Variants in CADPS2 observed in about 807,000 individuals in gnomAD.
CADPS2 encodes the protein calcium dependent secretion activator 2, also known as calcium-dependent secretion activator 2.
Under a neutral mutation model 172.5 loss-of-function variants are expected in CADPS2, and 93 were observed. That is an observed-to-expected ratio of 0.54 (90% CI 0.46 to 0.64). The LOEUF (loss-of-function observed/expected upper bound fraction) is 0.64, where lower values mean the gene tolerates loss of function less well. Ranked by LOEUF, CADPS2 falls within the 30% of genes least tolerant of loss-of-function variation. The pLI is 0.00. For synonymous variants in CADPS2, 546 were observed against 555.2 expected (o/e 0.98, Z 0.23); for missense variants, 1,420 against 1,565.9 (o/e 0.91, Z 1.57).
At chr7:122,456,434 T>C (rs192661699) in intron 14 of CADPS2, among the ~76,000 whole-genome samples, 2 of 152,134 alleles carry the variant, frequency 1.3e-5, no homozygotes, top group Non-Finnish European at 2.9e-5. Flanking sequence ...CCTGTAGTTA[T>C]TGAAGTTACA....
rs559985372 is a variant in CADPS2, at chr7:122,435,028, T to C, written c.2476+3313A>G. Among the ~76,000 whole-genome samples, 121 of 152,318 alleles carry C rather than the reference T, an allele frequency of 7.9e-4. 2 individuals are homozygous for C. Among genetic ancestry groups the C allele is most frequent in the African/African-American group, 2.8e-3 (116 of 41,576 alleles). ...TTTAAATTTGTATCAAAAATATTGC[T>C]GAATTTTTAGAGATGAATGGCCTAT... On this transcript the variant is annotated intron_variant, in intron 17 of 29. Transcript: ENST00000449022.
chr7:122,837,620 A>G (rs1240583998), intron 1 of CADPS2, among the ~76,000 whole-genome samples: 1 of 152,248 alleles, frequency 6.6e-6, no homozygotes, highest in African/African-American at 2.4e-5. Context: ...CCACAGAAAT[A>G]CAAACTACCA....
intron 24 of CADPS2, chr7:122,386,404 A>G: frequency 5.6e-6 from 4 of 717,534 alleles, no homozygotes. Flanking sequence ...ATGGGAAAAA[A>G]AGGCAACAAA....
chr7:122,576,774 T>TTA (rs1439065323), intron 7 of CADPS2, among the ~76,000 whole-genome samples: 3 of 77,258 alleles, frequency 3.9e-5, no homozygotes, highest in African/African-American at 1.6e-4. Context: ...GGAGATCTGA[T>TTA]TTTTTTTTTT....
intron 28 of CADPS2, among the ~76,000 whole-genome samples, chr7:122,333,681 T>C (rs2035382192): frequency 6.6e-6 from 1 of 152,172 alleles, no homozygotes; most frequent in African/African-American, 2.4e-5. Flanking sequence ...CTCACCTATT[T>C]TCTCCTCCTA....
intron 4 of CADPS2, among the ~76,000 whole-genome samples, chr7:122,627,659 C>T (rs2076209198): frequency 6.6e-6 from 1 of 152,140 alleles, no homozygotes; most frequent in Non-Finnish European, 1.5e-5. Context: ...ATCACTTAAA[C>T]TTTATTCTAA....
Position 122,320,112 on chromosome 7 carries a change from AT to A in CADPS2, c.*52del. The A allele has an allele frequency of 7.1e-7, 1 of 1,408,162 alleles. No individual in the cohort carries two copies. The highest frequency in any genetic ancestry group is 1.8e-5 in the South Asian group (1 of 55,256). The allele number at this position is 1,408,162 out of a possible 1,614,324, so 87.2% of individuals were successfully genotyped here. A position where few individuals can be genotyped will look rare whatever the true frequency, so the allele number is the denominator to read the frequency against. On this transcript the variant is annotated 3_prime_UTR_variant, in exon 30 of 30. Transcript: ENST00000449022. ...TAATTACAAGGACAAGGTTAAAAAAATAAAAAACAATGTCGATCAAGGTCTT... is the reference window on the plus strand; with the variant it reads ...TAATTACAAGGACAAGGTTAAAAAAAAAAAAACAATGTCGATCAAGGTCTT...
chr7:122,373,435 T>C (rs1446816259), intron 25 of CADPS2, among the ~76,000 whole-genome samples: 1 of 152,170 alleles, frequency 6.6e-6, no homozygotes, highest in African/African-American at 2.4e-5. Flanking sequence ...TAAGAATCAT[T>C]GCCTTACAAG....
intron 1 of CADPS2, among the ~76,000 whole-genome samples, chr7:122,869,272 T>A (rs1302293766): frequency 6.6e-6 from 1 of 152,032 alleles, no homozygotes; most frequent in Non-Finnish European, 1.5e-5. Context: ...TTGTTATAAA[T>A]AAGTTAAAAT....
intron 2 of CADPS2, among the ~76,000 whole-genome samples, chr7:122,671,906 T>C (rs770980198): frequency 6.6e-6 from 1 of 152,172 alleles, no homozygotes; most frequent in Non-Finnish European, 1.5e-5. Context: ...AAATAATTAA[T>C]GAACCAGTAA....
intron 8 of CADPS2, among the ~76,000 whole-genome samples, chr7:122,519,798 T>C (rs1490058867): frequency 1.3e-5 from 2 of 152,066 alleles, no homozygotes; most frequent in Non-Finnish European, 2.9e-5. Context: ...GTGTAGAATA[T>C]ATTTTATGCT....
At chr7:122,450,201 A>T (rs2052875228) in intron 15 of CADPS2, among the ~76,000 whole-genome samples, 1 of 152,280 alleles carries the variant, frequency 6.6e-6, no homozygotes, top group Non-Finnish European at 1.5e-5. Flanking sequence ...TATTTTTTAA[A>T]TAAGTGCAAA....
chr7:122,605,149 G>A (rs1436023374), intron 6 of CADPS2, among the ~76,000 whole-genome samples: 2 of 152,118 alleles, frequency 1.3e-5, no homozygotes, highest in Non-Finnish European at 2.9e-5. Flanking sequence ...TGGTAAACAT[G>A]TATAGGGCAC....
intron 1 of CADPS2, among the ~76,000 whole-genome samples, chr7:122,818,574 G>T (rs1381770047): frequency 6.6e-6 from 1 of 151,888 alleles, no homozygotes; most frequent in Non-Finnish European, 1.5e-5. Context: ...AGACCCATCT[G>T]ACCTCTCCCT....
intron 2 of CADPS2, among the ~76,000 whole-genome samples, chr7:122,719,467 G>A (rs754087788): frequency 1.3e-5 from 2 of 152,140 alleles, no homozygotes; most frequent in African/African-American, 4.8e-5. Context: ...CATGTGCAAT[G>A]ACGCCAATTT....
chr7:122,760,701 C>T (rs539964651), intron 1 of CADPS2, among the ~76,000 whole-genome samples: 17 of 151,634 alleles, frequency 1.1e-4, no homozygotes, highest in African/African-American at 3.9e-4. Flanking sequence ...TCTCAGCAAA[C>T]TATCGCAAGG....
intron 19 of CADPS2, among the ~76,000 whole-genome samples, chr7:122,412,093 A>C (rs946533693): frequency 6.6e-6 from 1 of 152,216 alleles, no homozygotes; most frequent in Non-Finnish European, 1.5e-5. Context: ...CTACTTCTAC[A>C]CCTGAGCTGT....
chr7:122,825,046 T>G (rs898122746), intron 1 of CADPS2, among the ~76,000 whole-genome samples: 1 of 152,160 alleles, frequency 6.6e-6, no homozygotes, highest in African/African-American at 2.4e-5. Flanking sequence ...ACAATCCACA[T>G]GTCTTTCAAA....
intron 1 of CADPS2, among the ~76,000 whole-genome samples, chr7:122,758,513 ATT>A (rs767439042): frequency 2.0e-5 from 3 of 152,188 alleles, no homozygotes; most frequent in Non-Finnish European, 4.4e-5. Context: ...GTGAAATAAT[ATT>A]TTTGAGCTGT....
Sources: allele counts gnomAD v4.1 joint callset (sites outside exome capture counted in the v4.1 genomes callset), GRCh38; gene constraint gnomAD v4.1.1; transcripts MANE v1.5; gene names NCBI Gene and HGNC (gene_info 2026-07-23, HGNC 2026-07-21).